Variants in GRIK1 observed in about 807,000 individuals in gnomAD.
The protein encoded by GRIK1 is glutamate receptor ionotropic, kainate 1.
In GRIK1, 69 loss-of-function variants were observed where a neutral mutation model predicts 105.7. That is an observed-to-expected ratio of 0.65 (90% CI 0.54 to 0.80). The LOEUF (loss-of-function observed/expected upper bound fraction) is 0.80, where lower values mean the gene tolerates loss of function less well. Ranked by LOEUF, GRIK1 falls within the 30% of genes least tolerant of loss-of-function variation. The pLI is 0.00. For missense variants in GRIK1, 1,109 were observed against 1,167.3 expected (o/e 0.95, Z 0.73); for synonymous variants, 438 against 431.3 (o/e 1.02, Z -0.19).
At chr21:29,558,716 TATA>T (rs991020720) in intron 15 of GRIK1, among the ~76,000 whole-genome samples, 9 of 149,918 alleles carry the variant, frequency 6.0e-5, no homozygotes, top group Admixed American at 1.3e-4. Context: ...TATTTATATA[TATA>T]TTTTTTTGTA....
intron 4 of GRIK1, 53 bp from the exon 5 acceptor site, chr21:29,654,916 G>C: frequency 9.4e-7 from 1 of 1,064,586 alleles, no homozygotes; most frequent in Non-Finnish European, 1.5e-6. Flanking sequence ...TAATAAGAAT[G>C]GGATAATTTC....
At chr21:29,574,879 A>G (rs2146229277) in intron 14 of GRIK1, among the ~76,000 whole-genome samples, 1 of 151,344 alleles carries the variant, frequency 6.6e-6, no homozygotes, top group Admixed American at 6.6e-5. Context: ...TTTTTTTAGT[A>G]GAGACGGGGT....
chr21:29,634,638 T>A (rs1349762332), intron 7 of GRIK1, among the ~76,000 whole-genome samples: 2 of 152,130 alleles, frequency 1.3e-5, no homozygotes, highest in African/African-American at 2.4e-5. Context: ...GAGTGAAGCA[T>A]GTTAAGTGCT....
intron 12 of GRIK1, among the ~76,000 whole-genome samples, chr21:29,584,335 A>G (rs2091085426): frequency 1.3e-5 from 2 of 152,188 alleles, no homozygotes; most frequent in Non-Finnish European, 2.9e-5. Context: ...GCCAACTTTA[A>G]AAATGTCCAT....
chr21:29,658,449 G>A (rs2062897850), intron 4 of GRIK1, among the ~76,000 whole-genome samples: 1 of 152,098 alleles, frequency 6.6e-6, no homozygotes, highest in Non-Finnish European at 1.5e-5. Context: ...TTTTAGTAGA[G>A]ATGGGGTTTT....
At chr21:29,875,001 GT>G (rs72244599) in intron 1 of GRIK1, among the ~76,000 whole-genome samples, 3,753 of 143,028 alleles carry the variant, frequency 0.026, 149 homozygotes, top group African/African-American at 0.092. Flanking sequence ...TAGTTTCAGG[GT>G]TTTTTTTTTT....
chr21:29,856,835 A>C (rs2068479229), intron 1 of GRIK1, among the ~76,000 whole-genome samples: 1 of 152,214 alleles, frequency 6.6e-6, no homozygotes, highest in East Asian at 1.9e-4. Flanking sequence ...GAGACGTGGC[A>C]GACATAAACA....
chr21:29,749,550 A>T (rs139050486), intron 1 of GRIK1, among the ~76,000 whole-genome samples: 1 of 152,350 alleles, frequency 6.6e-6, no homozygotes, highest in East Asian at 1.9e-4. Context: ...AATCTTCACA[A>T]GACTGCCAAA....
chr21:29,638,374 G>A (rs769589658), intron 7 of GRIK1, among the ~76,000 whole-genome samples: 1 of 151,966 alleles, frequency 6.6e-6, no homozygotes, highest in Non-Finnish European at 1.5e-5. Flanking sequence ...TGGGGGAAAC[G>A]CCCCCATGAT....
chr21:29,846,831 C>T (rs1388879274), intron 1 of GRIK1, among the ~76,000 whole-genome samples: 9 of 151,562 alleles, frequency 5.9e-5, no homozygotes, highest in East Asian at 1.9e-4. Context: ...TTTTTTTGTT[C>T]GTTTGTTTCC....
chr21:29,593,859 C>A (rs1568861248), intron 9 of GRIK1, among the ~76,000 whole-genome samples: 1 of 152,126 alleles, frequency 6.6e-6, no homozygotes, highest in East Asian at 1.9e-4. Context: ...ACAAATACAC[C>A]CCACAGCTTG....
At chr21:29,926,001 C>T (rs2071357688) in intron 1 of GRIK1, among the ~76,000 whole-genome samples, 1 of 151,888 alleles carries the variant, frequency 6.6e-6, no homozygotes. Context: ...TTTGTAAATG[C>T]TAACTTTATT....
chr21:29,932,253 A>G (rs1035765921), intron 1 of GRIK1, among the ~76,000 whole-genome samples: 75 of 152,244 alleles, frequency 4.9e-4, no homozygotes, highest in African/African-American at 1.8e-3. Context: ...CTAAAAGAAA[A>G]TCTTTTCAAG....
chr21:29,705,037 T>A lies in GRIK1; in HGVS notation c.119-10974A>T, dbSNP rs185653235. On this transcript the variant is annotated intron_variant, in intron 1 of 17. Transcript: ENST00000327783. ...CTCATGATTCTATTTATCTCCTTAT[T>A]AATTAAATGAATGGAATAAGACAAG... Among the ~76,000 whole-genome samples, 86 of 152,372 alleles carry A rather than the reference T, an allele frequency of 5.6e-4. 1 individual carries two copies. Among genetic ancestry groups the A allele is most frequent in the Non-Finnish European group, 2.2e-4 (15 of 68,044 alleles).
At chr21:29,674,058 T>A (rs996594733) in intron 3 of GRIK1, among the ~76,000 whole-genome samples, 1 of 148,814 alleles carries the variant, frequency 6.7e-6, no homozygotes, top group African/African-American at 2.5e-5. Flanking sequence ...TACGGAAAAA[T>A]TGAGTTTTTT....
rs114755010 is a variant in GRIK1 at position 29,819,827 on chromosome 21, C to T, written c.118+119556G>A. 5.3e-3 allele frequency among the ~76,000 whole-genome samples: 807 copies of T among 152,080 alleles called. 10 individuals are homozygous for T. Among genetic ancestry groups the T allele is most frequent in the African/African-American group, 0.019 (770 of 41,502 alleles). On this transcript the variant is annotated intron_variant, in intron 1 of 17. Transcript: ENST00000327783. The stretch of plus-strand genomic sequence containing the variant: ...ATCAAGTTTCCGTATGAGACCCTGA[C>T]CCAGATGACAGGGACCGCCTGCAAC...
chr21:29,788,949 G>A (rs1011983129), intron 1 of GRIK1, among the ~76,000 whole-genome samples: 7 of 152,164 alleles, frequency 4.6e-5, no homozygotes, highest in East Asian at 3.9e-4. Flanking sequence ...ACTCACTCAC[G>A]GCTCCCCTGC....
At chr21:29,846,473 GA>G (rs2068126370) in intron 1 of GRIK1, among the ~76,000 whole-genome samples, 2 of 75,282 alleles carry the variant, frequency 2.7e-5, no homozygotes, top group Non-Finnish European at 3.7e-5. Context: ...GAGAAAGAAA[GA>G]AAGAAAGAAA....
intron 7 of GRIK1, among the ~76,000 whole-genome samples, chr21:29,619,209 C>T (rs1350516122): frequency 1.4e-5 from 2 of 145,048 alleles, no homozygotes; most frequent in East Asian, 2.1e-4. Context: ...GAGGCCAAAG[C>T]GGGCAGATCA....
Sources: gnomAD v4.1 joint callset for allele counts (sites outside exome capture counted in the v4.1 genomes callset) on GRCh38, gnomAD v4.1.1 for gene constraint, MANE v1.5 for transcripts, NCBI Gene and HGNC (gene_info 2026-07-23, HGNC 2026-07-21) for gene names.